REPS1: variants seen among roughly 807,000 people sequenced by gnomAD.
The protein encoded by REPS1 is RALBP1 associated Eps domain containing 1.
Under a neutral mutation model 100.9 loss-of-function variants are expected in REPS1, and 39 were observed. The ratio of observed to expected loss-of-function variants is 0.39; its 90% CI spans 0.30 to 0.50. REPS1 has a LOEUF of 0.50. Ranked by LOEUF, REPS1 falls within the 20% of genes least tolerant of loss-of-function variation. The pLI is 0.86. For missense variants in REPS1, 821 were observed against 968.5 expected (o/e 0.85, Z 2.02); for synonymous variants, 324 against 340.3 (o/e 0.95, Z 0.53).
intron 9 of REPS1, 76 bp downstream of exon 9, chr6:138,929,901 C>T: frequency 6.9e-7 from 1 of 1,453,032 alleles, no homozygotes; most frequent in Non-Finnish European, 9.6e-7. Context: ...AAGAGACAGA[C>T]TGAAATTGCC....
At chr6:138,915,031 TG>T (rs2128435427) in intron 14 of REPS1, 1 of 396,382 alleles carries the variant, frequency 2.5e-6, no homozygotes, top group South Asian at 3.8e-5. Flanking sequence ...CAAACAATCT[TG>T]ATTTTCTTCG....
At chr6:138,967,887 G>A (rs1430785986) in intron 1 of REPS1, among the ~76,000 whole-genome samples, 1 of 152,128 alleles carries the variant, frequency 6.6e-6, no homozygotes, top group Admixed American at 6.5e-5. Context: ...CTATGAGGTA[G>A]GGGTTACCTT....
In REPS1 at chr6:138,987,584, C is replaced by T; in HGVS notation, c.99G>A (p.Gly33=). Residue 33 remains glycine, a synonymous_variant, in exon 1 of 20, where the codon GGG becomes GGA. Coordinates refer to ENST00000450536, the MANE Select transcript of REPS1 (RefSeq NM_001286611.2). ...IESTKKVVVN[G]RVLELFRAAQ... ...CGGCCCGGAACAGCTCCAGCACCCG[C>T]CCGTTGACCACCACCTTCTTGGTGC... 1 of 1,551,010 alleles carries T rather than the reference C, an allele frequency of 6.4e-7. No homozygotes were observed. The highest frequency in any genetic ancestry group is 8.7e-7 in the Non-Finnish European group (1 of 1,146,690).
intron 1 of REPS1, among the ~76,000 whole-genome samples, chr6:138,979,180 C>CAAAAAAAAAAAAAAAAAA (rs568626153): frequency 2.2e-4 from 13 of 59,328 alleles, no homozygotes; most frequent in Non-Finnish European, 2.6e-4. Context: ...GAATCCATCA[C>CAAAAAAAAAAAAAAAAAA]AAAAAAAAAA....
At chr6:138,942,699 C>T (rs545744176) in intron 7 of REPS1, among the ~76,000 whole-genome samples, 1 of 152,222 alleles carries the variant, frequency 6.6e-6, no homozygotes, top group East Asian at 1.9e-4. Context: ...GCCTTGGCTT[C>T]CCAAAGTGCT....
chr6:138,957,596 G>C (rs1046780711), intron 1 of REPS1, among the ~76,000 whole-genome samples: 1 of 152,066 alleles, frequency 6.6e-6, no homozygotes, highest in South Asian at 2.1e-4. Context: ...CAAGAAAACA[G>C]AGAAAAAAAG....
intron 1 of REPS1, among the ~76,000 whole-genome samples, chr6:138,959,013 G>GC (rs1201983469): frequency 1.3e-5 from 2 of 152,114 alleles, no homozygotes. Context: ...CTTGCCTAAG[G>GC]CCAGAGGGCC....
chr6:138,953,812 T>C (rs1347328759), intron 1 of REPS1, among the ~76,000 whole-genome samples: 1 of 151,944 alleles, frequency 6.6e-6, no homozygotes, highest in Non-Finnish European at 1.5e-5. Flanking sequence ...CAAATAGAAC[T>C]ACCATATGAT....
intron 1 of REPS1, among the ~76,000 whole-genome samples, chr6:138,972,514 A>G (rs1243296570): frequency 6.6e-6 from 1 of 152,078 alleles, no homozygotes; most frequent in East Asian, 1.9e-4. Flanking sequence ...CTTCCCTCCA[A>G]AAGAGTTAAC....
At chr6:138,972,965 A>T (rs1452264144) in intron 1 of REPS1, among the ~76,000 whole-genome samples, 1 of 152,158 alleles carries the variant, frequency 6.6e-6, no homozygotes, top group East Asian at 1.9e-4. Flanking sequence ...TGAAGTTCTA[A>T]AGCACCAACT....
intron 1 of REPS1, among the ~76,000 whole-genome samples, chr6:138,975,114 T>A (rs2128505923): frequency 6.6e-6 from 1 of 152,124 alleles, no homozygotes; most frequent in East Asian, 1.9e-4. Context: ...AGCTTTCAAA[T>A]GCCCTCCTAA....
chr6:138,965,791 TTTGA>T (rs1222071116), intron 1 of REPS1, among the ~76,000 whole-genome samples: 3 of 152,340 alleles, frequency 2.0e-5, no homozygotes, highest in African/African-American at 7.2e-5. Context: ...ATATTAATGT[TTTGA>T]TTAAGGAGTA....
intron 8 of REPS1, among the ~76,000 whole-genome samples, chr6:138,940,474 T>C (rs1011220482): frequency 1.3e-5 from 2 of 152,086 alleles, no homozygotes; most frequent in East Asian, 1.9e-4. Flanking sequence ...AGGCTGGGCA[T>C]GGTGGCTCAC....
rs546812735 is a variant in REPS1, at chr6:138,933,979, T to C, written c.1136-3881A>G. 3.3e-5 allele frequency among the ~76,000 whole-genome samples: 5 copies of C among 152,314 alleles called. No homozygotes were observed. In the East Asian group the frequency reaches 5.8e-4, roughly 18 times the overall value. ...ACCAAAGAAAAAAAGATTTAAAAGT[T>C]TGAAAAATTGCTGTCCTAGAAAATC... On this transcript the variant is annotated intron_variant, in intron 8 of 19. Transcript: ENST00000450536.
At chr6:138,942,098 G>A (rs1484250038) in intron 7 of REPS1, among the ~76,000 whole-genome samples, 2 of 152,046 alleles carry the variant, frequency 1.3e-5, no homozygotes, top group East Asian at 1.9e-4. Flanking sequence ...ACCTGCCTTG[G>A]GCTCCCAAAG....
At chr6:138,960,951 G>A (rs1013212364) in intron 1 of REPS1, among the ~76,000 whole-genome samples, 2 of 152,108 alleles carry the variant, frequency 1.3e-5, no homozygotes, top group Admixed American at 6.5e-5. Context: ...ATTGGAAAGC[G>A]TGAATTTTAT....
At chr6:138,979,501 AAATC>A (rs1784813346) in intron 1 of REPS1, among the ~76,000 whole-genome samples, 1 of 151,720 alleles carries the variant, frequency 6.6e-6, no homozygotes, top group Non-Finnish European at 1.5e-5. Context: ...CAAATCACTC[AAATC>A]TGGCATCCAT....
chr6:138,977,369 T>C (rs1784653704), intron 1 of REPS1, among the ~76,000 whole-genome samples: 1 of 152,208 alleles, frequency 6.6e-6, no homozygotes, highest in Non-Finnish European at 1.5e-5. Context: ...GGTCTTGCTC[T>C]GTCACCCAGG....
At chr6:138,934,854 TGAA>T (rs1562531642) in intron 8 of REPS1, among the ~76,000 whole-genome samples, 1 of 152,174 alleles carries the variant, frequency 6.6e-6, no homozygotes, top group Non-Finnish European at 1.5e-5. Context: ...AACTTTTACT[TGAA>T]GAGTATTATT....
Sources: gnomAD v4.1 joint callset for allele counts (sites outside exome capture counted in the v4.1 genomes callset) on GRCh38, gnomAD v4.1.1 for gene constraint, MANE v1.5 for transcripts, NCBI Gene and HGNC (gene_info 2026-07-23, HGNC 2026-07-21) for gene names.